TTLL11: variants seen among roughly 807,000 people sequenced by gnomAD.
The protein encoded by TTLL11 is tubulin polyglutamylase TTLL11.
A neutral mutation model predicts 51.7 loss-of-function variants in TTLL11; 42 were observed. The observed-to-expected ratio is 0.81, with a 90% CI of 0.64 to 1.05. TTLL11 has a LOEUF of 1.05. Among genes scored for constraint, TTLL11 ranks in the 50% least tolerant of loss-of-function variants. The pLI is 0.00. For synonymous variants in TTLL11, 381 were observed against 383.5 expected (o/e 0.99, Z 0.08); for missense variants, 799 against 940.4 (o/e 0.85, Z 1.97).
At chr9:121,877,989 A>T (rs1023782628) in intron 6 of TTLL11, among the ~76,000 whole-genome samples, 2 of 152,170 alleles carry the variant, frequency 1.3e-5, no homozygotes, top group African/African-American at 4.8e-5. Flanking sequence ...AGGTATTACA[A>T]ATGGTCCCAT....
At chr9:122,055,005 G>A (rs769408276) in intron 1 of TTLL11, among the ~76,000 whole-genome samples, 2 of 152,108 alleles carry the variant, frequency 1.3e-5, no homozygotes, top group Non-Finnish European at 2.9e-5. Context: ...CCACCAGAGC[G>A]TTGGTCTAAA....
intron 1 of TTLL11, among the ~76,000 whole-genome samples, chr9:122,082,106 G>C (rs1351504906): frequency 1.3e-5 from 2 of 152,220 alleles, no homozygotes; most frequent in Admixed American, 1.3e-4. Context: ...ACCCTGCTGA[G>C]GGCAATTTGA....
At chr9:121,944,412 G>T (rs62574003) in intron 6 of TTLL11, among the ~76,000 whole-genome samples, 2 of 152,008 alleles carry the variant, frequency 1.3e-5, no homozygotes, top group African/African-American at 4.8e-5. Flanking sequence ...GGAAGCTGAG[G>T]CAGGAGAATC....
chr9:121,972,934 C>T (rs1842612708), intron 6 of TTLL11, among the ~76,000 whole-genome samples: 1 of 152,236 alleles, frequency 6.6e-6, no homozygotes, highest in African/African-American at 2.4e-5. Context: ...AGTCTGCATT[C>T]CTCCCAGTCT....
chr9:121,929,212 C>A (rs1330543370), intron 6 of TTLL11, among the ~76,000 whole-genome samples: 1 of 152,092 alleles, frequency 6.6e-6, no homozygotes, highest in African/African-American at 2.4e-5. Context: ...GAGGCTGAGA[C>A]AGGCAGATCA....
Position 121,826,193 on chromosome 9 carries a change from T to TATAC in TTLL11, c.1841-3315_1841-3314insGTAT, listed in dbSNP as rs1564259913. 7.7e-5 allele frequency among the ~76,000 whole-genome samples: 8 copies of TATAC among 103,576 alleles called. 1 individual carries two copies. The highest frequency in any genetic ancestry group is 3.6e-4 in the African/African-American group (8 of 22,052). The allele number at this position is 103,576 out of a possible 152,430, so 67.9% of individuals were successfully genotyped here. On this transcript the variant is annotated intron_variant, in intron 8 of 8. Coordinates refer to ENST00000321582, the MANE Select transcript of TTLL11 (RefSeq NM_001139442.2). ...ATATATAACCAGTAACCTATATATA[T>TATAC]ATATATATATATATATATATATATG...
intron 6 of TTLL11, among the ~76,000 whole-genome samples, chr9:121,959,771 C>CT (rs1237131496): frequency 1.3e-5 from 2 of 152,108 alleles, no homozygotes; most frequent in East Asian, 3.9e-4. Flanking sequence ...GAAAATCTGT[C>CT]TGTTGCTTTT....
chr9:121,847,676 G>A (rs1564270979), intron 8 of TTLL11, among the ~76,000 whole-genome samples: 1 of 152,044 alleles, frequency 6.6e-6, no homozygotes, highest in African/African-American at 2.4e-5. Flanking sequence ...TTTCAAAAAA[G>A]AAAGCACCAT....
intron 1 of TTLL11, among the ~76,000 whole-genome samples, chr9:122,047,956 C>T (rs1022903295): frequency 6.6e-6 from 1 of 152,076 alleles, no homozygotes; most frequent in African/African-American, 2.4e-5. Flanking sequence ...TCACCTTCTC[C>T]CTCCTCAACA....
chr9:121,904,240 G>A lies in TTLL11; in HGVS notation c.1482-33492C>T, dbSNP rs555252982. ...TCGCCAGGCTGGCATGCAGTGGCAC[G>A]ATCTTGGCTCACTGCAACCTCCGCC... On this transcript the variant is annotated intron_variant, in intron 6 of 8. Transcript: ENST00000321582. Among the ~76,000 whole-genome samples the A allele has an allele frequency of 5.2e-4, 79 of 150,612 alleles. No homozygotes were observed. The Middle Eastern group carries it at 0.01, about 20-fold the overall frequency.
chr9:121,853,893 G>A lies in TTLL11; in HGVS notation c.1840+6444C>T, dbSNP rs1406085049. 6.6e-6 allele frequency among the ~76,000 whole-genome samples: 1 copy of A among 152,200 alleles called. No individual in the cohort carries two copies. The highest frequency in any genetic ancestry group is 2.4e-5 in the African/African-American group (1 of 41,442). ...AGCACCTGCAGAGCAGCTGGCAGGG[G>A]TAGGTGCCCCAGAAGCACTTCCCGA... On this transcript the variant is annotated intron_variant, in intron 8 of 8. Coordinates refer to ENST00000321582, the MANE Select transcript of TTLL11 (RefSeq NM_001139442.2). This position sits in a 1 kb window ranked among gnomAD's most constrained non-coding sequence, Gnocchi z 5.6.
intron 3 of TTLL11, among the ~76,000 whole-genome samples, chr9:122,000,419 C>T (rs1400804087): frequency 6.9e-6 from 1 of 144,754 alleles, no homozygotes; most frequent in Admixed American, 7.2e-5. Context: ...TTGCAGTGAG[C>T]CGAGATCTCA....
intron 1 of TTLL11, among the ~76,000 whole-genome samples, chr9:122,085,163 G>A (rs1361574939): frequency 6.6e-6 from 1 of 152,152 alleles, no homozygotes. Flanking sequence ...AGGAGGCTGA[G>A]GCAGGAGAAT....
rs191360950 is a variant in TTLL11, at chr9:121,995,562, G to A, written c.694-5792C>T. Among the ~76,000 whole-genome samples the A allele has an allele frequency of 1.4e-3, 215 of 152,240 alleles. No individual in the cohort carries two copies. The highest frequency in any genetic ancestry group is 4.8e-3 in the African/African-American group (199 of 41,528). On this transcript the variant is annotated intron_variant, in intron 3 of 8. Transcript: ENST00000321582. The surrounding 1 kb of genome is among the most constrained non-coding windows in gnomAD (Gnocchi z 4.4). ...GGACTTCAGCAATTTTGGGAGGGGT[G>A]ATGTTACCATTAACAGATTTAGGGA...
intron 6 of TTLL11, chr9:121,963,708 C>G (rs528853946): frequency 1.3e-5 from 2 of 152,228 alleles, no homozygotes; most frequent in Non-Finnish European, 2.9e-5. Flanking sequence ...AAATGGTTCC[C>G]TCTCAACAGA....
chr9:121,896,304 C>T (rs1230329279), intron 6 of TTLL11, among the ~76,000 whole-genome samples: 4 of 152,170 alleles, frequency 2.6e-5, no homozygotes, highest in African/African-American at 4.8e-5. Context: ...CTCCCCTTTC[C>T]GGGGCTAGGT....
At position 121,989,164 on chromosome 9, in the gene TTLL11, G is replaced by GAA. The variant is rs764409103; in HGVS notation, c.1269+29_1269+30dup. 589 of 1,608,826 alleles carry GAA rather than the reference G, an allele frequency of 3.7e-4. No individual in the cohort carries two copies. Among genetic ancestry groups the GAA allele is most frequent in the Non-Finnish European group, 4.9e-4 (573 of 1,177,024 alleles). ...GCCCTCTTGAGGCCGGTCAAGGCTG[G>GAA]AAACGCAGGCTGGGAACTGGCAATG... On this transcript the variant is annotated intron_variant, in intron 4 of 8. Transcript: ENST00000321582. This position sits in a 1 kb window ranked among gnomAD's most constrained non-coding sequence, Gnocchi z 4.2.
At chr9:121,855,693 ACGGTT>A (rs1372102886) in intron 8 of TTLL11, among the ~76,000 whole-genome samples, 1 of 152,348 alleles carries the variant, frequency 6.6e-6, no homozygotes, top group Non-Finnish European at 1.5e-5. Flanking sequence ...ACTCTGAGCC[ACGGTT>A]CTCACACTCA....
At chr9:121,950,035 T>C (rs916119413) in intron 6 of TTLL11, among the ~76,000 whole-genome samples, 1 of 152,088 alleles carries the variant, frequency 6.6e-6, no homozygotes, top group East Asian at 1.9e-4. Flanking sequence ...CTTTTCCCTA[T>C]GACTAAGGAG....
Sources: gnomAD v4.1 joint callset for allele counts (sites outside exome capture counted in the v4.1 genomes callset) on GRCh38, gnomAD v4.1.1 for gene constraint, Gnocchi (gnomAD v3.1) non-coding constraint, MANE v1.5 for transcripts, NCBI Gene and HGNC (gene_info 2026-07-23, HGNC 2026-07-21) for gene names.